Variants in L1TD1 observed in about 807,000 individuals in gnomAD.
The protein encoded by L1TD1 is LINE-1 type transposase domain-containing protein 1.
In L1TD1, 26 loss-of-function variants were observed where a neutral mutation model predicts 25.7. The ratio of observed to expected loss-of-function variants is 1.01; its 90% confidence interval spans 0.74 to 1.40. L1TD1 has a LOEUF of 1.40. Ranked by LOEUF, L1TD1 falls within the 40% of genes most tolerant of loss-of-function variation. L1TD1 has a pLI of 0.00. For synonymous variants in L1TD1, 421 were observed against 335.6 expected, an observed-to-expected ratio of 1.25 and a Z score of -2.78; for missense variants, 1,130 against 975.0, an observed-to-expected ratio of 1.16 and a Z score of -2.12.
chr1:62,200,810 T>G (rs751602340), intron 2 of L1TD1, among the ~76,000 whole-genome samples: 77 of 152,206 alleles, frequency 5.1e-4, no homozygotes, highest in Non-Finnish European at 8.7e-4. Context: ...TCTCATTGTT[T>G]TTTTATTATG....
intron 1 of L1TD1, among the ~76,000 whole-genome samples, chr1:62,195,814 G>A (rs1251807594): frequency 1.3e-5 from 2 of 152,000 alleles, no homozygotes; most frequent in Non-Finnish European, 2.9e-5. Flanking sequence ...CGAGGCGGGG[G>A]CGGATCACGA....
intron 1 of L1TD1, among the ~76,000 whole-genome samples, chr1:62,195,211 G>C (rs1670510108): frequency 6.6e-6 from 1 of 152,074 alleles, no homozygotes; most frequent in South Asian, 2.1e-4. Context: ...GGTAAGGCTG[G>C]CCCAGGTACG....
chr1:62,207,487 G>C lies in L1TD1; in HGVS notation c.859G>C (p.Asp287His), dbSNP rs181629629. The C allele has an allele frequency of 2.6e-5, 40 of 1,551,248 alleles. 1 individual carries two copies. The East Asian group carries it at 9.5e-4, about 37-fold the overall frequency. ...LCEVKLAFKC[D>H]GEIKTFSDLQ... The stretch of plus-strand genomic sequence containing the variant: ...TGAAGTTAAATTAGCATTTAAATGT[G>C]ATGGTGAAATAAAGACATTTTCAGA... The change falls in exon 3 of 4, where the codon GAT (aspartate) becomes CAT (histidine). Residue 287 changes from aspartate (D) to histidine (H), a missense_variant. By Grantham distance (81) the Asp-to-His change is moderately conservative. Coordinates refer to ENST00000498273, the MANE Select transcript of L1TD1 (RefSeq NM_019079.5).
In L1TD1 at chr1:62,210,761, A is replaced by G. The variant is rs1557448240; in HGVS notation, c.1987A>G (p.Ile663Val). 6.4e-7 allele frequency: 1 copy of G among 1,551,546 alleles called. No homozygotes were observed. The highest frequency in any genetic ancestry group is 1.2e-5 in the South Asian group (1 of 84,004). The change falls in exon 4 of 4, where the codon ATA becomes GTA. Residue 663 changes from isoleucine to valine, a missense_variant. Physicochemically the swap from Ile to Val is conservative, Grantham distance 29 (BLOSUM62 3). Coordinates refer to ENST00000498273, the MANE Select transcript of L1TD1 (RefSeq NM_019079.5). ...SSRMDILEER[I>V]DSLEDQIEEF... ...CAGAATGGACATACTTGAAGAAAGA[A>G]TAGACAGTCTAGAAGATCAAATTGA...
At chr1:62,201,490 TAAAAAAAA>T (rs57780936) in intron 2 of L1TD1, among the ~76,000 whole-genome samples, 1 of 132,898 alleles carries the variant, frequency 7.5e-6, no homozygotes, top group Admixed American at 7.7e-5. Context: ...AGACCCTGCT[TAAAAAAAA>T]AAAAAAAAAA....
chr1:62,210,853 AGAG>A lies in L1TD1; in HGVS notation c.2083_2085del (p.Glu695del). 6.4e-7 allele frequency: 1 copy of A among 1,550,790 alleles called. No homozygotes were observed. Among genetic ancestry groups the A allele is most frequent in the Non-Finnish European group, 8.7e-7 (1 of 1,146,824 alleles). ...TTAGTAAAGAAAGGCAAAGAGATAT[AGAG>A]GAGAGATCTAGAAGTTGCAACATTC... On this transcript the variant is annotated inframe_deletion, in exon 4 of 4. Transcript: ENST00000498273.
chr1:62,199,689 AT>A (rs1264168752), intron 2 of L1TD1, among the ~76,000 whole-genome samples: 7 of 152,140 alleles, frequency 4.6e-5, no homozygotes, highest in African/African-American at 9.7e-5. Context: ...TTTAAAAAAA[AT>A]AACTTAATTT....
intron 2 of L1TD1, among the ~76,000 whole-genome samples, chr1:62,197,484 T>C (rs1670567327): frequency 6.7e-6 from 1 of 149,990 alleles, no homozygotes; most frequent in South Asian, 2.1e-4. Flanking sequence ...GAAGCTCATA[T>C]ATTCCAAATT....
intron 3 of L1TD1, among the ~76,000 whole-genome samples, chr1:62,207,913 T>C (rs929287202): frequency 6.6e-6 from 1 of 152,182 alleles, no homozygotes; most frequent in African/African-American, 2.4e-5. Flanking sequence ...GGTTTCTCCA[T>C]GTTGGTCAGG....
intron 2 of L1TD1, among the ~76,000 whole-genome samples, chr1:62,197,053 T>C (rs1670556545): frequency 6.6e-6 from 1 of 152,088 alleles, no homozygotes; most frequent in Non-Finnish European, 1.5e-5. Context: ...TTGTTTCACA[T>C]AACAGTTGTT....
At chr1:62,202,492 G>A (rs372872840) in intron 2 of L1TD1, among the ~76,000 whole-genome samples, 7 of 149,824 alleles carry the variant, frequency 4.7e-5, no homozygotes, top group Non-Finnish European at 1.0e-4. Flanking sequence ...ATAAATGAGT[G>A]CCGTGTTTTT....
At position 62,209,947 on chromosome 1, in the gene L1TD1, C is replaced by T. The variant is rs4625314; in HGVS notation, c.1173C>T (p.Ala391=). The stretch of plus-strand genomic sequence containing the variant: ...AGCTAGAGGAGCTGGATGAAGAGGC[C>T]TCAGGGATGGAGGATGATGAAGATA... The part of the protein sequence containing the change: ...FSELEELDEE[A]SGMEDDEDTS... Residue 391 remains alanine, a synonymous_variant, in exon 4 of 4, where the codon GCC becomes GCT. Transcript: ENST00000498273. The T allele has an allele frequency of 0.47, 757,246 of 1,611,392 alleles. 185,023 individuals are homozygous for T. The highest frequency in any genetic ancestry group is 0.51 in the Non-Finnish European group (601,423 of 1,178,056).
intron 2 of L1TD1, among the ~76,000 whole-genome samples, chr1:62,205,373 T>TCTC (rs1670716070): frequency 1.1e-5 from 1 of 90,176 alleles, no homozygotes; most frequent in African/African-American, 3.9e-5. Context: ...AAAACTCTCT[T>TCTC]TCTCTCTCTC....
At chr1:62,205,443 A>ATTTTTTTTTTTTTTTTTTTTTTTTTTT (rs1261055805) in intron 2 of L1TD1, among the ~76,000 whole-genome samples, 2 of 63,664 alleles carry the variant, frequency 3.1e-5, no homozygotes, top group South Asian at 6.0e-4. Context: ...ATATATATAT[A>ATTTTTTTTTTTTTTTTTTTTTTTTTTT]TTTTTTTTTA....
At chr1:62,205,430 TATATATATATA>T (rs1215581063) in intron 2 of L1TD1, among the ~76,000 whole-genome samples, 2 of 74,018 alleles carry the variant, frequency 2.7e-5, no homozygotes, top group African/African-American at 9.5e-5. Flanking sequence ...TATATATATA[TATATATATATA>T]TATTTTTTTT....
At position 62,205,325 on chromosome 1, in the gene L1TD1, C is replaced by A. The variant is rs1304735685; in HGVS notation, c.-110-1194C>A. 2.7e-5 allele frequency among the ~76,000 whole-genome samples: 4 copies of A among 148,028 alleles called. No homozygotes were observed. The East Asian group carries it at 6.0e-4, about 22-fold the overall frequency. On this transcript the variant is annotated intron_variant, in intron 2 of 3. Coordinates refer to ENST00000498273, the MANE Select transcript of L1TD1 (RefSeq NM_019079.5). Reference sequence around the variant, plus strand: ...TGCACTCCAGCCTGGGTGACAAGAACAAGACTGTCAAAAGAAAAAAACAAA... The same window carrying A: ...TGCACTCCAGCCTGGGTGACAAGAAAAAGACTGTCAAAAGAAAAAAACAAA...
At chr1:62,195,600 A>G (rs914920297) in intron 1 of L1TD1, among the ~76,000 whole-genome samples, 4 of 152,050 alleles carry the variant, frequency 2.6e-5, no homozygotes, top group African/African-American at 7.2e-5. Flanking sequence ...TAAAAATACA[A>G]AATTAGCCAG....
Position 62,207,378 on chromosome 1 carries a change from A to C in L1TD1, c.750A>C (p.Ser250=). Residue 250 remains serine (S), a synonymous_variant, in exon 3 of 4, where the codon TCA becomes TCC. Transcript: ENST00000498273. ...TACTTACCCTGGTAGCCGACCTTTC[A>C]TCAGCAACACTGGATATTAGTAAGC... The part of the protein sequence containing the change: ...GAVLTLVADL[S]SATLDISKQW... 1 of 1,551,646 alleles carries C rather than the reference A, an allele frequency of 6.4e-7. No individual in the cohort carries two copies. The highest frequency in any genetic ancestry group is 2.4e-5 in the East Asian group (1 of 40,910).
intron 1 of L1TD1, 118 bp downstream of exon 1, chr1:62,195,039 C>T (rs1462095679): frequency 6.6e-6 from 1 of 151,998 alleles, no homozygotes; most frequent in East Asian, 2.0e-4. Context: ...CGGGGTGCCC[C>T]GGGTAAGGCT....
Sources: gnomAD v4.1 joint callset for allele counts (sites outside exome capture counted in the v4.1 genomes callset) on GRCh38, gnomAD v4.1.1 for gene constraint, MANE v1.5 for transcripts, NCBI Gene and HGNC (gene_info 2026-07-23, HGNC 2026-07-21) for gene names.